The following CGNL1 variants were observed in gnomAD, a reference collection of about 807,000 sequenced individuals.
CGNL1 encodes the protein cingulin like 1.
Under a neutral mutation model 141.2 loss-of-function variants are expected in CGNL1, and 132 were observed. The ratio of observed to expected loss-of-function variants is 0.93; its 90% confidence interval spans 0.81 to 1.08. The LOEUF (loss-of-function observed/expected upper bound fraction) is 1.08. Ranked by LOEUF, CGNL1 falls within the 50% of genes least tolerant of loss-of-function variation. The probability of loss-of-function intolerance (pLI) is 0.00; values close to 1 mark genes in which losing one functional copy is unlikely to be tolerated. For synonymous variants in CGNL1, 690 were observed against 622.1 expected (o/e 1.11, Z -1.63); for missense variants, 1,870 against 1,588.6 (o/e 1.18, Z -3.01).
chr15:57,468,696 A>T (rs1043684923), intron 8 of CGNL1, among the ~76,000 whole-genome samples: 1 of 152,044 alleles, frequency 6.6e-6, no homozygotes, highest in Admixed American at 6.6e-5. Flanking sequence ...TGTTTCTTTT[A>T]TTAGGGACTG....
rs770113443 is a variant in CGNL1, at chr15:57,438,759, G to A, written c.760G>A (p.Gly254Arg). The A allele has an allele frequency of 8.7e-6, 14 of 1,613,952 alleles. No homozygotes were observed. The highest frequency in any genetic ancestry group is 3.3e-5 in the South Asian group (3 of 91,078). Residue 254 changes from glycine (G) to arginine (R), a missense_variant, in exon 2 of 19, where the codon GGG (glycine) becomes AGG (arginine). Coordinates refer to ENST00000281282, the MANE Select transcript of CGNL1 (RefSeq NM_032866.5). ...RVGEEALFTS[G>R]RPLTAHSPHA... is the part of the protein sequence containing the mutation. ...GGGAGAGGAGGCCCTTTTCACTAGC[G>A]GGAGGCCCCTGACTGCCCACAGCCC...
intron 1 of CGNL1, among the ~76,000 whole-genome samples, chr15:57,435,461 G>T (rs962096922): frequency 1.3e-5 from 2 of 150,830 alleles, no homozygotes; most frequent in South Asian, 4.2e-4. Flanking sequence ...ATCAGGGAAG[G>T]GAAGCTGAAG....
intron 8 of CGNL1, among the ~76,000 whole-genome samples, chr15:57,468,645 T>C (rs1339085128): frequency 6.6e-6 from 1 of 152,010 alleles, no homozygotes; most frequent in Non-Finnish European, 1.5e-5. Context: ...GGTGAGATTA[T>C]GGAGACTATT....
At position 57,386,467 on chromosome 15, in the gene CGNL1, A is replaced by G. The variant is rs143767415; in HGVS notation, c.-16+9900A>G. Among the ~76,000 whole-genome samples the G allele has an allele frequency of 1.8e-4, 28 of 152,344 alleles. No homozygotes were observed. The East Asian group carries it at 5.2e-3, about 28-fold the overall frequency. ...AGGACACTAAAATGGTTGGGGCTCAACAAAGAATATCTGTGTTACGGGCAT... is the reference window on the plus strand; with the variant it reads ...AGGACACTAAAATGGTTGGGGCTCAGCAAAGAATATCTGTGTTACGGGCAT... On this transcript the variant is annotated intron_variant, in intron 1 of 18. Transcript: ENST00000281282.
In CGNL1 at chr15:57,413,930, G is replaced by A. The variant is rs1186811780; in HGVS notation, c.-15-24055G>A. ...AGATGCCTCCAGAGCCCCATTTGCA[G>A]TCATATAAGTTGTGTTGTAGTACCC... On this transcript the variant is annotated intron_variant, in intron 1 of 18. Transcript: ENST00000281282. Among the ~76,000 whole-genome samples, 3 of 152,180 alleles carry A rather than the reference G, an allele frequency of 2.0e-5. No homozygotes were observed. The East Asian group carries it at 5.8e-4, about 29-fold the overall frequency.
At chr15:57,412,760 C>G (rs1162052249) in intron 1 of CGNL1, among the ~76,000 whole-genome samples, 1 of 152,226 alleles carries the variant, frequency 6.6e-6, no homozygotes, top group Non-Finnish European at 1.5e-5. Flanking sequence ...ATCTTCTTTT[C>G]ACATGACAAC....
At chr15:57,409,115 TGAG>T (rs1188430639) in intron 1 of CGNL1, among the ~76,000 whole-genome samples, 1 of 150,500 alleles carries the variant, frequency 6.6e-6, no homozygotes, top group Non-Finnish European at 1.5e-5. Context: ...GTGCATTAAT[TGAG>T]GACATTAGGA....
At chr15:57,463,079 A>G (rs141661470) in intron 8 of CGNL1, among the ~76,000 whole-genome samples, 82 of 152,232 alleles carry the variant, frequency 5.4e-4, no homozygotes, top group African/African-American at 1.8e-3. Context: ...CTTTGGACCC[A>G]TATCTTTATC....
At chr15:57,426,938 G>A (rs1191510257) in intron 1 of CGNL1, among the ~76,000 whole-genome samples, 2 of 152,176 alleles carry the variant, frequency 1.3e-5, no homozygotes, top group Admixed American at 6.5e-5. Context: ...AGGCTGGAAT[G>A]GGGTGAGGGT....
chr15:57,537,747 G>A (rs1314175575), intron 14 of CGNL1, among the ~76,000 whole-genome samples: 2 of 152,150 alleles, frequency 1.3e-5, no homozygotes, highest in African/African-American at 4.8e-5. Flanking sequence ...AAAACCCACT[G>A]GAATCTGATA....
Position 57,423,111 on chromosome 15 carries a change from T to C in CGNL1, c.-15-14874T>C, listed in dbSNP as rs2062934432. On this transcript the variant is annotated intron_variant, in intron 1 of 18. Transcript: ENST00000281282. The stretch of plus-strand genomic sequence containing the variant: ...AATGTTTTTGCCGGCATTCCCAGGA[T>C]AAGGAGGTATTTCCATATGCTTCTG... Among the ~76,000 whole-genome samples the C allele has an allele frequency of 3.9e-5, 6 of 152,280 alleles. No homozygotes were observed. In the South Asian group the frequency reaches 1.2e-3, roughly 32 times the overall value.
chr15:57,491,130 G>A (rs76134096), intron 8 of CGNL1, among the ~76,000 whole-genome samples: 1,611 of 152,234 alleles, frequency 0.011, 30 homozygotes, highest in African/African-American at 0.036. Flanking sequence ...ATGGACTTTG[G>A]TTAATAATAA....
chr15:57,441,446 G>A (rs985334827), intron 3 of CGNL1, among the ~76,000 whole-genome samples: 5 of 151,936 alleles, frequency 3.3e-5, no homozygotes, highest in African/African-American at 7.3e-5. Flanking sequence ...TTGGCTCACT[G>A]CAACCCCCAC....
intron 8 of CGNL1, among the ~76,000 whole-genome samples, chr15:57,515,098 C>A (rs934666009): frequency 2.0e-5 from 3 of 152,192 alleles, no homozygotes; most frequent in African/African-American, 7.2e-5. Flanking sequence ...TTCTTTAGAT[C>A]CTTCCTCAAG....
intron 3 of CGNL1, among the ~76,000 whole-genome samples, chr15:57,441,801 G>C (rs990374761): frequency 1.3e-5 from 2 of 152,180 alleles, no homozygotes; most frequent in Non-Finnish European, 2.9e-5. Context: ...ATTGCTGACG[G>C]TGTGGTAGAA....
chr15:57,403,782 C>T (rs1282010858), intron 1 of CGNL1, among the ~76,000 whole-genome samples: 1 of 152,196 alleles, frequency 6.6e-6, no homozygotes, highest in African/African-American at 2.4e-5. Flanking sequence ...GAGGGAGTGT[C>T]CAGTGGGTTT....
chr15:57,535,647 TG>T (rs2140200242), intron 14 of CGNL1, among the ~76,000 whole-genome samples: 1 of 152,086 alleles, frequency 6.6e-6, no homozygotes, highest in South Asian at 2.1e-4. Flanking sequence ...CCATAGGAAA[TG>T]AAAGGAGATA....
At chr15:57,442,201 A>AAAAAAAAAAAAAAAAAAAAAAAC (rs2063197881) in intron 3 of CGNL1, among the ~76,000 whole-genome samples, 172 bp from the exon 4 acceptor site, 1 of 138,566 alleles carries the variant, frequency 7.2e-6, no homozygotes, top group Non-Finnish European at 1.6e-5. Context: ...AAAAAAAAAA[A>AAAAAAAAAAAAAAAAAAAAAAAC]AAGACACCAT....
intron 8 of CGNL1, among the ~76,000 whole-genome samples, chr15:57,486,073 C>A (rs188190297): frequency 1.8e-4 from 27 of 152,236 alleles, no homozygotes; most frequent in African/African-American, 6.3e-4. Context: ...GAGTCAGGAG[C>A]AGGGCCCGGG....
Sources: gnomAD v4.1 joint callset for allele counts (sites outside exome capture counted in the v4.1 genomes callset) on GRCh38, gnomAD v4.1.1 for gene constraint, MANE v1.5 for transcripts, NCBI Gene and HGNC (gene_info 2026-07-23, HGNC 2026-07-21) for gene names.